Variants in DOCK3 observed in about 807,000 individuals in gnomAD.
The protein encoded by DOCK3 is dedicator of cytokinesis protein 3.
A neutral mutation model predicts 265.6 loss-of-function variants in DOCK3; 60 were observed. That is an observed-to-expected ratio of 0.23 (90% CI 0.18 to 0.28). The LOEUF (loss-of-function observed/expected upper bound fraction) is 0.28. Ranked by LOEUF, DOCK3 falls within the 10% of genes least tolerant of loss-of-function variation. DOCK3 has a pLI of 1.00. For missense variants in DOCK3, 1,981 were observed against 2,594.3 expected, an observed-to-expected ratio of 0.76 and a Z score of 5.14; for synonymous variants, 881 against 938.0, an observed-to-expected ratio of 0.94 and a Z score of 1.11.
At chr3:50,819,471 T>A (rs975696252) in intron 2 of DOCK3, among the ~76,000 whole-genome samples, 1 of 152,190 alleles carries the variant, frequency 6.6e-6, no homozygotes, top group Non-Finnish European at 1.5e-5. Flanking sequence ...TTCCTTAGAT[T>A]AGCCAAAGTT....
chr3:50,698,304 T>C (rs2035767499), intron 1 of DOCK3, among the ~76,000 whole-genome samples: 1 of 152,138 alleles, frequency 6.6e-6, no homozygotes, highest in Non-Finnish European at 1.5e-5. Flanking sequence ...CTGCTTTCAC[T>C]GAGTATGTTT....
At chr3:51,203,245 A>G (rs538749766) in intron 12 of DOCK3, among the ~76,000 whole-genome samples, 1 of 152,284 alleles carries the variant, frequency 6.6e-6, no homozygotes, top group South Asian at 2.1e-4. Flanking sequence ...TTTGCAGATG[A>G]CATGATTGTA....
At chr3:50,884,810 G>A (rs1004780108) in intron 3 of DOCK3, among the ~76,000 whole-genome samples, 11 of 150,984 alleles carry the variant, frequency 7.3e-5, no homozygotes, top group Admixed American at 3.3e-4. Flanking sequence ...TTTCCTCCCC[G>A]CCCCCCACAG....
At chr3:51,069,922 G>A (rs2081781259) in intron 6 of DOCK3, among the ~76,000 whole-genome samples, 1 of 152,198 alleles carries the variant, frequency 6.6e-6, no homozygotes, top group Non-Finnish European at 1.5e-5. Flanking sequence ...CCTGAAATTA[G>A]CAGAAGTTTT....
At chr3:51,229,643 G>A in intron 19 of DOCK3, 34 bp downstream of exon 19, 1 of 1,513,976 alleles carries the variant, frequency 6.6e-7, no homozygotes, top group Non-Finnish European at 8.9e-7. Flanking sequence ...CATACTGCAT[G>A]AGGAAGAATC....
intron 1 of DOCK3, among the ~76,000 whole-genome samples, chr3:50,749,379 G>A (rs1251526298): frequency 1.3e-5 from 2 of 152,130 alleles, no homozygotes; most frequent in Non-Finnish European, 2.9e-5. Flanking sequence ...TTAAGTTTCA[G>A]GCAAATGGGG....
chr3:51,070,604 A>G (rs2081820453), intron 6 of DOCK3, among the ~76,000 whole-genome samples: 2 of 152,234 alleles, frequency 1.3e-5, no homozygotes, highest in African/African-American at 4.8e-5. Context: ...ATATAAATGT[A>G]AATATGCTGT....
intron 2 of DOCK3, among the ~76,000 whole-genome samples, chr3:50,833,169 TC>T (rs1340196332): frequency 6.6e-6 from 1 of 152,158 alleles, no homozygotes; most frequent in East Asian, 1.9e-4. Context: ...TCCCTCTGTT[TC>T]TTCTGAGCAG....
At chr3:51,286,004 A>C (rs1376507083) in intron 27 of DOCK3, among the ~76,000 whole-genome samples, 1 of 152,174 alleles carries the variant, frequency 6.6e-6, no homozygotes, top group Non-Finnish European at 1.5e-5. Context: ...AACGCATCCA[A>C]ATAGGAAGAG....
intron 27 of DOCK3, among the ~76,000 whole-genome samples, chr3:51,290,331 T>C (rs1332469249): frequency 2.0e-5 from 3 of 152,158 alleles, no homozygotes; most frequent in Non-Finnish European, 4.4e-5. Context: ...GTGGCACATA[T>C]ACACCATGGA....
At position 51,317,277 on chromosome 3, in the gene DOCK3, A is replaced by G. The variant is rs568147468; in HGVS notation, c.3402+2149A>G. Among the ~76,000 whole-genome samples, 1,206 of 151,662 alleles carry G rather than the reference A, an allele frequency of 8.0e-3. 12 individuals are homozygous for G. The highest frequency in any genetic ancestry group is 0.028 in the African/African-American group (1,143 of 41,460). The stretch of plus-strand genomic sequence containing the variant: ...AAAAACCAATTGCCAAAAAAAAAAA[A>G]GAAAAACAAATGGGTTTGGACAAGG... On this transcript the variant is annotated intron_variant, in intron 32 of 52. Transcript: ENST00000266037.
chr3:50,694,143 G>A (rs531507334), intron 1 of DOCK3, among the ~76,000 whole-genome samples: 24 of 152,062 alleles, frequency 1.6e-4, no homozygotes, highest in Admixed American at 2.6e-4. Flanking sequence ...GGTGGCGGGC[G>A]CCTGTAATCC....
chr3:51,181,348 T>A (rs1179726193), intron 12 of DOCK3, among the ~76,000 whole-genome samples: 1 of 137,780 alleles, frequency 7.3e-6, no homozygotes, highest in Non-Finnish European at 1.5e-5. Context: ...CCAAGTGTTC[T>A]CATTGTTCAA....
At chr3:50,778,809 T>C in intron 2 of DOCK3, 51 bp downstream of exon 2, 1 of 1,266,780 alleles carries the variant, frequency 7.9e-7, no homozygotes, top group South Asian at 1.4e-5. Context: ...TTGGCAGTAT[T>C]ATATACATTT....
chr3:50,727,516 G>A (rs1283957036), intron 1 of DOCK3, among the ~76,000 whole-genome samples: 1 of 152,066 alleles, frequency 6.6e-6, no homozygotes, highest in African/African-American at 2.4e-5. Flanking sequence ...TGGCCAACAT[G>A]GTGAAACCCC....
intron 5 of DOCK3, among the ~76,000 whole-genome samples, chr3:51,031,203 A>G (rs954182837): frequency 6.6e-6 from 1 of 152,096 alleles, no homozygotes; most frequent in Non-Finnish European, 1.5e-5. Flanking sequence ...GGTAATAGAT[A>G]TTTGGGTAGG....
chr3:51,090,722 C>A (rs568409277), intron 9 of DOCK3, among the ~76,000 whole-genome samples: 110 of 152,204 alleles, frequency 7.2e-4, no homozygotes, highest in African/African-American at 2.6e-3. Context: ...CAGAGACACA[C>A]AGCTCCAGAG....
intron 49 of DOCK3, among the ~76,000 whole-genome samples, chr3:51,365,281 T>C (rs2087055952): frequency 6.6e-6 from 1 of 152,236 alleles, no homozygotes; most frequent in South Asian, 2.1e-4. Context: ...GATTTGGCTC[T>C]ATGTTTGTCT....
intron 3 of DOCK3, among the ~76,000 whole-genome samples, chr3:50,881,121 T>A (rs1416026222): frequency 1.3e-5 from 2 of 152,156 alleles, no homozygotes; most frequent in Admixed American, 6.6e-5. Flanking sequence ...ATTGATGGGA[T>A]GTATCTCAAA....
Sources: allele counts gnomAD v4.1 joint callset (sites outside exome capture counted in the v4.1 genomes callset), GRCh38; gene constraint gnomAD v4.1.1; transcripts MANE v1.5; gene names NCBI Gene and HGNC (gene_info 2026-07-23, HGNC 2026-07-21).